KAZN: variants seen among roughly 807,000 people sequenced by gnomAD.
KAZN encodes kazrin, periplakin interacting protein, also known as kazrin.
Under a neutral mutation model 87.4 loss-of-function variants are expected in KAZN, and 40 were observed. That is an observed-to-expected ratio of 0.46 (90% CI 0.36 to 0.60). The LOEUF (loss-of-function observed/expected upper bound fraction) is 0.60. KAZN is among the 20% of genes least tolerant of loss of function. The pLI, the probability that KAZN is intolerant of heterozygous loss-of-function variation, is 0.00. For missense variants in KAZN, 898 were observed against 1,073.9 expected (o/e 0.84, Z 2.29); for synonymous variants, 466 against 458.3 (o/e 1.02, Z -0.22).
intron 1 of KAZN, among the ~76,000 whole-genome samples, chr1:14,152,207 A>G (rs1320238395): frequency 6.6e-6 from 1 of 152,210 alleles, no homozygotes; most frequent in Non-Finnish European, 1.5e-5. Context: ...TTATTGTTAA[A>G]TATACAATTA....
chr1:14,415,504 G>C (rs908352408), intron 2 of KAZN, among the ~76,000 whole-genome samples: 1 of 152,134 alleles, frequency 6.6e-6, no homozygotes, highest in Non-Finnish European at 1.5e-5. Context: ...TCATGACTGG[G>C]CTGAGGGTTC....
chr1:14,893,271 C>A (rs1654913478), intron 1 of KAZN, among the ~76,000 whole-genome samples: 1 of 152,064 alleles, frequency 6.6e-6, no homozygotes. Context: ...GAGGCTGAGG[C>A]AGAAGAATCT....
At chr1:14,708,163 A>G (rs1352406757) in intron 1 of KAZN, among the ~76,000 whole-genome samples, 1 of 152,086 alleles carries the variant, frequency 6.6e-6, no homozygotes, top group Non-Finnish European at 1.5e-5. Flanking sequence ...ACTCCGTTTG[A>G]AGCCTTTTTT....
At chr1:14,096,756 G>C (rs541144312) in intron 1 of KAZN, among the ~76,000 whole-genome samples, 5 of 152,322 alleles carry the variant, frequency 3.3e-5, no homozygotes, top group African/African-American at 1.2e-4. Context: ...AGACTCTGGA[G>C]ATCATTGCCT....
intron 2 of KAZN, among the ~76,000 whole-genome samples, chr1:14,591,174 C>T (rs1676174278): frequency 6.6e-6 from 1 of 151,796 alleles, no homozygotes; most frequent in African/African-American, 2.4e-5. Flanking sequence ...AAATAGTGCC[C>T]CCCCCCCATG....
chr1:14,787,962 A>G (rs1645559047), intron 1 of KAZN, among the ~76,000 whole-genome samples: 1 of 152,230 alleles, frequency 6.6e-6, no homozygotes, highest in South Asian at 2.1e-4. Flanking sequence ...CCCCAGAAGA[A>G]AACCAAGCCA....
chr1:13,999,811 T>C (rs1639698959), intron 1 of KAZN, among the ~76,000 whole-genome samples: 1 of 151,658 alleles, frequency 6.6e-6, no homozygotes, highest in African/African-American at 2.4e-5. Flanking sequence ...GCTAGACTAA[T>C]AAAGAAGAAA....
intron 1 of KAZN, among the ~76,000 whole-genome samples, chr1:14,100,222 A>G (rs935254605): frequency 6.6e-6 from 1 of 152,156 alleles, no homozygotes. Flanking sequence ...GGCTCTTTAA[A>G]TCCCCCACTT....
chr1:14,991,662 A>G (rs12409715), intron 2 of KAZN, among the ~76,000 whole-genome samples: 56,976 of 152,094 alleles, frequency 0.37, 11,643 homozygotes, highest in African/African-American at 0.53. Context: ...ATACCCAGGT[A>G]CACCTGAGCC....
chr1:14,843,459 C>G (rs1406826236), intron 1 of KAZN, among the ~76,000 whole-genome samples: 1 of 152,118 alleles, frequency 6.6e-6, no homozygotes, highest in Non-Finnish European at 1.5e-5. Context: ...CAGGAGGCCC[C>G]TAATCTGAGA....
At chr1:14,191,593 G>T (rs992051203) in intron 2 of KAZN, among the ~76,000 whole-genome samples, 1 of 152,144 alleles carries the variant, frequency 6.6e-6, no homozygotes, top group African/African-American at 2.4e-5. Context: ...GGAGTCATCA[G>T]TGTCTCTGCT....
intron 2 of KAZN, among the ~76,000 whole-genome samples, chr1:15,033,407 T>C (rs1162769577): frequency 6.6e-6 from 1 of 152,236 alleles, no homozygotes. Context: ...TGTAGACATA[T>C]GTTTTCATAG....
intron 1 of KAZN, among the ~76,000 whole-genome samples, chr1:14,720,842 G>A (rs1381415811): frequency 2.6e-5 from 4 of 151,994 alleles, no homozygotes; most frequent in Non-Finnish European, 4.4e-5. Flanking sequence ...TCAGCCTCCC[G>A]AGTACCTGGG....
intron 1 of KAZN, among the ~76,000 whole-genome samples, chr1:14,089,770 T>C (rs547192329): frequency 6.6e-6 from 1 of 152,322 alleles, no homozygotes; most frequent in Admixed American, 6.5e-5. Flanking sequence ...TTATTTTCTT[T>C]CTGACTGAAG....
At chr1:14,886,883 TA>T (rs1250530869) in intron 1 of KAZN, among the ~76,000 whole-genome samples, 1 of 152,222 alleles carries the variant, frequency 6.6e-6, no homozygotes, top group Admixed American at 6.5e-5. Context: ...AGTGTTTATT[TA>T]GTCGTTAAGA....
At chr1:14,192,017 C>T (rs149214892) in intron 2 of KAZN, among the ~76,000 whole-genome samples, 349 of 152,284 alleles carry the variant, frequency 2.3e-3, no homozygotes, top group African/African-American at 8.0e-3. Context: ...TTGGGAAATG[C>T]AGCTGCAAGG....
At chr1:13,970,178 G>C (rs1203537569) in intron 1 of KAZN, among the ~76,000 whole-genome samples, 1 of 152,194 alleles carries the variant, frequency 6.6e-6, no homozygotes, top group East Asian at 1.9e-4. Context: ...TTAAGCAAAA[G>C]GAATATGCCA....
intron 1 of KAZN, among the ~76,000 whole-genome samples, chr1:14,698,396 G>A (rs376383141): frequency 1.1e-3 from 171 of 152,320 alleles, no homozygotes; most frequent in Non-Finnish European, 2.1e-3. Context: ...GACCTCCACC[G>A]TCCCATCTGG....
At chr1:14,068,249 C>T (rs1643096083) in intron 1 of KAZN, among the ~76,000 whole-genome samples, 1 of 152,212 alleles carries the variant, frequency 6.6e-6, no homozygotes, top group East Asian at 1.9e-4. Flanking sequence ...GTGTCCCTAT[C>T]TTGTCCAGTC....
Sources: gnomAD v4.1 joint callset for allele counts (sites outside exome capture counted in the v4.1 genomes callset) on GRCh38, gnomAD v4.1.1 for gene constraint, MANE v1.5 for transcripts, NCBI Gene and HGNC (gene_info 2026-07-23, HGNC 2026-07-21) for gene names.